CD247: variants seen among roughly 807,000 people sequenced by gnomAD.
CD247 encodes CD247 molecule.
CD247 carries 13 observed loss-of-function variants against 30.0 expected under a neutral mutation model. The ratio of observed to expected loss-of-function variants is 0.43; its 90% CI spans 0.28 to 0.69. The LOEUF (loss-of-function observed/expected upper bound fraction) is 0.69, where lower values mean the gene tolerates loss of function less well. Ranked by LOEUF, CD247 falls within the 30% of genes least tolerant of loss-of-function variation. The pLI is 0.16. For missense variants in CD247, 193 were observed against 212.6 expected, an observed-to-expected ratio of 0.91 and a Z score of 0.57; for synonymous variants, 72 against 80.0, an observed-to-expected ratio of 0.90 and a Z score of 0.53.
At chr1:167,473,141 A>C (rs1653603113) in intron 1 of CD247, among the ~76,000 whole-genome samples, 1 of 150,284 alleles carries the variant, frequency 6.7e-6, no homozygotes, top group Non-Finnish European at 1.5e-5. Flanking sequence ...CTGTAGTCTT[A>C]CAGGGAGATC....
intron 1 of CD247, among the ~76,000 whole-genome samples, chr1:167,488,902 G>A (rs1342355479): frequency 6.6e-6 from 1 of 152,228 alleles, no homozygotes; most frequent in East Asian, 1.9e-4. Flanking sequence ...GGTGTGCTGA[G>A]CCCAGGGAGG....
At chr1:167,433,796 A>G (rs1428033741) in intron 6 of CD247, among the ~76,000 whole-genome samples, 2 of 152,220 alleles carry the variant, frequency 1.3e-5, no homozygotes, top group Non-Finnish European at 2.9e-5. Flanking sequence ...TTAGGCTGTC[A>G]TAGAATCTAG....
intron 1 of CD247, among the ~76,000 whole-genome samples, chr1:167,449,153 T>TTTCTTTTTCTTTTTTTC (rs1558000484): frequency 1.7e-4 from 9 of 53,286 alleles, no homozygotes; most frequent in African/African-American, 9.3e-4. Context: ...TCTTTTCTTT[T>TTTCTTTTTCTTTTTTTC]TTTTTTTTTT....
At chr1:167,516,606 C>T (rs372594659) in intron 1 of CD247, among the ~76,000 whole-genome samples, 11 of 152,196 alleles carry the variant, frequency 7.2e-5, no homozygotes, top group African/African-American at 2.4e-4. Context: ...GTCAAGGCCT[C>T]TCTGAGTCGC....
At chr1:167,469,005 G>A (rs1406508750) in intron 1 of CD247, among the ~76,000 whole-genome samples, 3 of 151,532 alleles carry the variant, frequency 2.0e-5, no homozygotes, top group African/African-American at 7.3e-5. Context: ...TACGTGATCT[G>A]TTTTGCTTTG....
chr1:167,456,776 A>G (rs1018333912), intron 1 of CD247, among the ~76,000 whole-genome samples: 6 of 152,376 alleles, frequency 3.9e-5, no homozygotes, highest in African/African-American at 1.2e-4. Context: ...TTGTAGACAC[A>G]GAACCCAACA....
chr1:167,488,895 G>A (rs1448943069), intron 1 of CD247, among the ~76,000 whole-genome samples: 1 of 152,220 alleles, frequency 6.6e-6, no homozygotes, highest in African/African-American at 2.4e-5. Context: ...AAGCGAGGGT[G>A]TGCTGAGCCC....
At chr1:167,464,756 T>C (rs1388744286) in intron 1 of CD247, among the ~76,000 whole-genome samples, 2 of 152,196 alleles carry the variant, frequency 1.3e-5, no homozygotes, top group Non-Finnish European at 2.9e-5. Context: ...GGACAGAAGA[T>C]GACAACACTA....
intron 1 of CD247, among the ~76,000 whole-genome samples, chr1:167,491,735 T>C (rs979375052): frequency 1.3e-5 from 2 of 152,064 alleles, no homozygotes; most frequent in East Asian, 1.9e-4. Context: ...CATTGACAGA[T>C]GGATGGATGA....
intron 1 of CD247, among the ~76,000 whole-genome samples, chr1:167,480,830 A>G (rs999587721): frequency 1.3e-5 from 2 of 152,246 alleles, no homozygotes; most frequent in East Asian, 3.8e-4. Context: ...ATTCATGACA[A>G]GCTACAATTT....
intron 1 of CD247, among the ~76,000 whole-genome samples, chr1:167,472,488 A>G (rs1653573339): frequency 6.6e-6 from 1 of 152,236 alleles, no homozygotes; most frequent in Non-Finnish European, 1.5e-5. Context: ...AAGCAAGTCT[A>G]GCAAAATTTA....
At chr1:167,506,755 C>G (rs1655154754) in intron 1 of CD247, among the ~76,000 whole-genome samples, 1 of 152,110 alleles carries the variant, frequency 6.6e-6, no homozygotes, top group Non-Finnish European at 1.5e-5. Flanking sequence ...ATTAATTTAT[C>G]ATAGGAATAA....
At position 167,469,077 on chromosome 1, in the gene CD247, G is replaced by C. The variant is rs991391257; in HGVS notation, c.59-28310C>G. 2.0e-5 allele frequency among the ~76,000 whole-genome samples: 3 copies of C among 152,230 alleles called. No individual in the cohort carries two copies. In the South Asian group the frequency reaches 6.2e-4, roughly 32 times the overall value. On this transcript the variant is annotated intron_variant, in intron 1 of 7. Transcript: ENST00000362089. ...AGCTCTCTGCAACCTCCACCTCCTG[G>C]GTTCAAGTGATTCTCATGCCTCAGC...
chr1:167,450,113 G>C (rs569935059), intron 1 of CD247, among the ~76,000 whole-genome samples: 7 of 152,182 alleles, frequency 4.6e-5, no homozygotes, highest in Admixed American at 4.6e-4. Flanking sequence ...GTGCTCATTT[G>C]TTTCCAATTT....
intron 1 of CD247, among the ~76,000 whole-genome samples, chr1:167,479,579 T>C (rs1358606786): frequency 2.6e-5 from 4 of 152,198 alleles, no homozygotes; most frequent in African/African-American, 9.7e-5. Context: ...GGTTTGTTTT[T>C]GCATCACATC....
At chr1:167,509,369 C>CA (rs35004744) in intron 1 of CD247, among the ~76,000 whole-genome samples, 4,232 of 63,180 alleles carry the variant, frequency 0.067, 224 homozygotes, top group African/African-American at 0.17. Context: ...AACTCTGTCT[C>CA]AAAAAAAAAA....
intron 1 of CD247, among the ~76,000 whole-genome samples, chr1:167,500,017 C>A (rs915382281): frequency 6.6e-6 from 1 of 152,184 alleles, no homozygotes; most frequent in Non-Finnish European, 1.5e-5. Context: ...CGTGGGTTCT[C>A]TTTATTAGAT....
chr1:167,490,428 TC>T (rs1048360391), intron 1 of CD247, among the ~76,000 whole-genome samples: 3 of 151,116 alleles, frequency 2.0e-5, no homozygotes, highest in African/African-American at 7.3e-5. Context: ...TTTGAGACCA[TC>T]CTGGCCAACA....
rs554734564 is a variant in CD247 at position 167,432,935 on chromosome 1, G to C, written c.429+89C>G. ...CCTGCCCAGCTGTTGGCAAGAGCTG[G>C]TGCCACCAGCAGGCAAAATGTGGGG... On this transcript the variant is annotated intron_variant, in intron 7 of 7. Transcript: ENST00000362089. 3.2e-5 allele frequency: 46 copies of C among 1,432,894 alleles called. 1 individual carries two copies. The African/African-American group carries it at 6.2e-4, about 19-fold the overall frequency. 88.8% of individuals were successfully genotyped at this position (1,432,894 alleles called of 1,614,324 possible). A position where few individuals can be genotyped will look rare whatever the true frequency, so the allele number is the denominator to read the frequency against.
Sources: gnomAD v4.1 joint callset for allele counts (sites outside exome capture counted in the v4.1 genomes callset) on GRCh38, gnomAD v4.1.1 for gene constraint, MANE v1.5 for transcripts, NCBI Gene and HGNC (gene_info 2026-07-23, HGNC 2026-07-21) for gene names.